The following NEK1 variants were observed in gnomAD, a reference collection of about 807,000 sequenced individuals.
The protein encoded by NEK1 is serine/threonine-protein kinase Nek1.
A neutral mutation model predicts 182.1 loss-of-function variants in NEK1; 137 were observed. The ratio of observed to expected loss-of-function variants is 0.75; its 90% CI spans 0.65 to 0.87. The LOEUF (loss-of-function observed/expected upper bound fraction) is 0.87. Ranked by LOEUF, NEK1 falls within the 40% of genes least tolerant of loss-of-function variation. NEK1 has a pLI of 0.00. For synonymous variants in NEK1, 513 were observed against 492.2 expected (o/e 1.04, Z -0.56); for missense variants, 1,391 against 1,494.4 (o/e 0.93, Z 1.14).
At chr4:169,508,408 A>C (rs1490163035) in intron 20 of NEK1, 77 bp from the exon 21 acceptor site, 1 of 1,205,114 alleles carries the variant, frequency 8.3e-7, no homozygotes, top group African/African-American at 1.6e-5. Flanking sequence ...ATTTTTTTTA[A>C]ATTTAAGGAA....
chr4:169,396,494 T>C (rs529169030), intron 35 of NEK1, among the ~76,000 whole-genome samples: 34 of 150,882 alleles, frequency 2.3e-4, no homozygotes, highest in Admixed American at 8.6e-4. Context: ...TATACTCCTC[T>C]CCTTGTGGAA....
rs575115356 is a variant in NEK1 at position 169,591,537 on chromosome 4, A to C, written c.313-728T>G. Among the ~76,000 whole-genome samples the C allele has an allele frequency of 1.3e-3, 196 of 152,252 alleles. 1 individual carries two copies. The highest frequency in any genetic ancestry group is 0.01 in the Middle Eastern group (3 of 294). On this transcript the variant is annotated intron_variant, in intron 5 of 35. Coordinates refer to ENST00000507142, the MANE Select transcript of NEK1 (RefSeq NM_001199397.3). The stretch of plus-strand genomic sequence containing the variant: ...AAAAATCAAGCTGGAAATTTGGAAG[A>C]CATCTCTGACTTTTTTTCTCTTCCC...
intron 28 of NEK1, 118 bp from the exon 29 acceptor site, chr4:169,433,783 GAA>G: frequency 1.0e-6 from 1 of 969,164 alleles, no homozygotes; most frequent in East Asian, 2.6e-5. Context: ...CATTAAAACA[GAA>G]AAATTAAGTA....
chr4:169,473,219 C>G (rs1457254964), intron 26 of NEK1, among the ~76,000 whole-genome samples: 1 of 149,044 alleles, frequency 6.7e-6, no homozygotes, highest in Non-Finnish European at 1.5e-5. Flanking sequence ...TCAGCCATGA[C>G]TGCAGCACTG....
At chr4:169,565,112 T>G (rs2149965076) in intron 12 of NEK1, among the ~76,000 whole-genome samples, 1 of 152,272 alleles carries the variant, frequency 6.6e-6, no homozygotes, top group South Asian at 2.1e-4. Context: ...AGCTAACCAT[T>G]TACGTTACCA....
intron 23 of NEK1, among the ~76,000 whole-genome samples, chr4:169,499,343 T>G (rs994810696): frequency 6.6e-6 from 1 of 152,178 alleles, no homozygotes; most frequent in Non-Finnish European, 1.5e-5. Flanking sequence ...TGCCATGGGT[T>G]CGAACTTCCT....
Position 169,508,816 on chromosome 4 carries a change from T to C in NEK1, c.1702A>G (p.Arg568Gly). Residue 568 changes from arginine (R) to glycine (G), a missense_variant, in exon 20 of 36, where the codon AGG becomes GGG. Around this residue, in one of 5 missense-constraint regions of NEK1, gnomAD observed 1,216 missense variants for 1,277.6 expected, o/e 0.95. Transcript: ENST00000507142. Reference sequence around the variant, plus strand: ...TTCCCTCCTCTTGAAGAGCTGGGCCTGCCTCCATACATAGCTGCCAGGTTT... The same window carrying C: ...TTCCCTCCTCTTGAAGAGCTGGGCCCGCCTCCATACATAGCTGCCAGGTTT... ...LQNLAAMYGG[R>G]PSSSRGGKPR... is the part of the protein sequence containing the mutation. 1 of 1,592,218 alleles carries C rather than the reference T, an allele frequency of 6.3e-7. No individual in the cohort carries two copies. The highest frequency in any genetic ancestry group is 8.5e-7 in the Non-Finnish European group (1 of 1,177,000).
chr4:169,494,948 CT>C (rs1202445759), intron 23 of NEK1, among the ~76,000 whole-genome samples: 1 of 151,496 alleles, frequency 6.6e-6, no homozygotes, highest in Non-Finnish European at 1.5e-5. Context: ...TGGCGTTGTT[CT>C]TTTCTTGTAA....
chr4:169,489,421 G>A (rs1368723014), intron 23 of NEK1, among the ~76,000 whole-genome samples: 1 of 152,170 alleles, frequency 6.6e-6, no homozygotes, highest in Non-Finnish European at 1.5e-5. Context: ...ACTGCATTTT[G>A]ACCAGAGTGA....
At chr4:169,511,134 T>C (rs1269237236) in intron 19 of NEK1, among the ~76,000 whole-genome samples, 1 of 152,152 alleles carries the variant, frequency 6.6e-6, no homozygotes, top group Non-Finnish European at 1.5e-5. Flanking sequence ...AAACACCTAC[T>C]TCTTGGGTGT....
At chr4:169,422,920 T>A (rs1735729272) in intron 31 of NEK1, among the ~76,000 whole-genome samples, 1 of 152,222 alleles carries the variant, frequency 6.6e-6, no homozygotes, top group Non-Finnish European at 1.5e-5. Context: ...ATAGTCCTTA[T>A]CTATAGGCCT....
intron 5 of NEK1, among the ~76,000 whole-genome samples, chr4:169,596,278 T>A (rs1769474492): frequency 6.6e-6 from 1 of 152,214 alleles, no homozygotes; most frequent in Non-Finnish European, 1.5e-5. Flanking sequence ...AATATAATGC[T>A]CTAGGTTTTC....
intron 12 of NEK1, among the ~76,000 whole-genome samples, chr4:169,566,325 A>C (rs1483813830): frequency 6.6e-6 from 1 of 152,244 alleles, no homozygotes; most frequent in Non-Finnish European, 1.5e-5. Context: ...ATATTTATGA[A>C]ATGAAAATAC....
At chr4:169,467,045 G>A (rs1307310131) in intron 26 of NEK1, among the ~76,000 whole-genome samples, 5 of 151,942 alleles carry the variant, frequency 3.3e-5, no homozygotes, top group South Asian at 2.1e-4. Flanking sequence ...AAGATGATGC[G>A]GATGAAGGCT....
At chr4:169,487,415 T>C (rs1161612738) in intron 23 of NEK1, among the ~76,000 whole-genome samples, 3 of 152,222 alleles carry the variant, frequency 2.0e-5, no homozygotes, top group Non-Finnish European at 2.9e-5. Context: ...CATGAGGTGT[T>C]TGGTTTTCTG....
At chr4:169,408,088 A>G (rs940174644) in intron 31 of NEK1, among the ~76,000 whole-genome samples, 1 of 152,224 alleles carries the variant, frequency 6.6e-6, no homozygotes, top group African/African-American at 2.4e-5. Context: ...TATGTACCAG[A>G]AATGGTTTCC....
At chr4:169,549,519 T>C (rs762713532) in intron 18 of NEK1, among the ~76,000 whole-genome samples, 15 of 151,872 alleles carry the variant, frequency 9.9e-5, no homozygotes, top group Non-Finnish European at 1.9e-4. Flanking sequence ...GCCTCCTGGG[T>C]TCAAGCAATT....
intron 26 of NEK1, among the ~76,000 whole-genome samples, chr4:169,473,171 C>G (rs1198277377): frequency 6.7e-6 from 1 of 149,266 alleles, no homozygotes; most frequent in Non-Finnish European, 1.5e-5. Flanking sequence ...GAGGCTGAGG[C>G]AGGAGGATCA....
At chr4:169,488,692 T>G (rs1011558629) in intron 23 of NEK1, among the ~76,000 whole-genome samples, 53 of 152,194 alleles carry the variant, frequency 3.5e-4, no homozygotes, top group African/African-American at 1.1e-3. Context: ...TTTACATTAA[T>G]ATTTTAGGGG....
Sources: allele counts gnomAD v4.1 joint callset (sites outside exome capture counted in the v4.1 genomes callset), GRCh38; gene constraint gnomAD v4.1.1; regional missense constraint gnomAD v4.1.1; transcripts MANE v1.5; gene names NCBI Gene and HGNC (gene_info 2026-07-23, HGNC 2026-07-21).